Variants in CNTNAP2 observed in about 807,000 individuals in gnomAD.
CNTNAP2 encodes the protein contactin-associated protein-like 2.
Under a neutral mutation model 155.2 loss-of-function variants are expected in CNTNAP2, and 98 were observed. That is an observed-to-expected ratio of 0.63 (90% confidence interval 0.54 to 0.75). The LOEUF is 0.75. CNTNAP2 is among the 30% of genes least tolerant of loss of function. CNTNAP2 has a pLI of 0.00. For missense variants in CNTNAP2, 1,727 were observed against 1,688.1 expected, an observed-to-expected ratio of 1.02 and a Z score of -0.40; for synonymous variants, 651 against 631.2, an observed-to-expected ratio of 1.03 and a Z score of -0.47.
At chr7:148,310,558 G>A (rs970553178) in intron 21 of CNTNAP2, among the ~76,000 whole-genome samples, 2 of 152,128 alleles carry the variant, frequency 1.3e-5, no homozygotes, top group Non-Finnish European at 2.9e-5. Flanking sequence ...GGGAATTAGT[G>A]GAATAACTCT....
chr7:147,801,750 G>C (rs961431204), intron 13 of CNTNAP2, among the ~76,000 whole-genome samples: 2 of 152,164 alleles, frequency 1.3e-5, no homozygotes, highest in South Asian at 4.1e-4. Context: ...GCAACCATCC[G>C]ATTTCTCAAT....
chr7:148,103,340 C>T (rs1207549382), intron 15 of CNTNAP2, among the ~76,000 whole-genome samples: 1 of 152,032 alleles, frequency 6.6e-6, no homozygotes, highest in African/African-American at 2.4e-5. Context: ...ATCATCCACG[C>T]AGCAGCAACT....
intron 15 of CNTNAP2, among the ~76,000 whole-genome samples, chr7:148,069,495 G>A (rs1803337476): frequency 1.3e-5 from 2 of 152,138 alleles, no homozygotes; most frequent in African/African-American, 2.4e-5. Flanking sequence ...GGGCACGGTG[G>A]CTCACACCTG....
chr7:148,046,604 A>T (rs1802778661), intron 15 of CNTNAP2, among the ~76,000 whole-genome samples: 1 of 152,072 alleles, frequency 6.6e-6, no homozygotes, highest in South Asian at 2.1e-4. Flanking sequence ...TGGCTATATC[A>T]TTGCCTGGAA....
intron 4 of CNTNAP2, among the ~76,000 whole-genome samples, chr7:147,075,931 T>A (rs1799990086): frequency 6.6e-6 from 1 of 152,210 alleles, no homozygotes; most frequent in African/African-American, 2.4e-5. Context: ...GGTTTCCAGC[T>A]TCATCCATTT....
At chr7:147,786,223 G>A (rs2116564879) in intron 13 of CNTNAP2, among the ~76,000 whole-genome samples, 1 of 152,342 alleles carries the variant, frequency 6.6e-6, no homozygotes, top group Admixed American at 6.5e-5. Flanking sequence ...AGTGAGCCAA[G>A]ATTGCACCAC....
intron 11 of CNTNAP2, among the ~76,000 whole-genome samples, chr7:147,549,347 A>G (rs1799806556): frequency 1.3e-5 from 2 of 151,868 alleles, no homozygotes; most frequent in African/African-American, 4.8e-5. Flanking sequence ...CTAGGTTTTT[A>G]TTCTCTTTGT....
chr7:148,274,259 C>T (rs1212794357), intron 21 of CNTNAP2, among the ~76,000 whole-genome samples: 1 of 150,450 alleles, frequency 6.6e-6, no homozygotes, highest in African/African-American at 2.4e-5. Context: ...AAAAAAACTC[C>T]TTGCTTTGTT....
chr7:148,225,191 C>T (rs990531740), intron 19 of CNTNAP2, among the ~76,000 whole-genome samples: 2 of 152,130 alleles, frequency 1.3e-5, no homozygotes, highest in Admixed American at 6.6e-5. Context: ...AGACAATAAA[C>T]AAATTGGTAC....
At chr7:147,092,305 A>C (rs1800424428) in intron 4 of CNTNAP2, among the ~76,000 whole-genome samples, 1 of 152,210 alleles carries the variant, frequency 6.6e-6, no homozygotes, top group Admixed American at 6.5e-5. Flanking sequence ...CTGAATTCAA[A>C]ATAATTTCCT....
chr7:147,644,121 G>A (rs1028535536), intron 13 of CNTNAP2, among the ~76,000 whole-genome samples: 21 of 152,120 alleles, frequency 1.4e-4, no homozygotes, highest in African/African-American at 5.1e-4. Context: ...ATTTTACGTA[G>A]AAAAGCCTGC....
chr7:146,816,035 G>C (rs1803163636), intron 2 of CNTNAP2, among the ~76,000 whole-genome samples: 2 of 152,118 alleles, frequency 1.3e-5, no homozygotes, highest in Non-Finnish European at 2.9e-5. Context: ...CCTTGTGATA[G>C]TTTGCTCAGA....
chr7:146,800,882 A>G (rs574755061), intron 2 of CNTNAP2, among the ~76,000 whole-genome samples: 1 of 152,148 alleles, frequency 6.6e-6, no homozygotes, highest in East Asian at 1.9e-4. Context: ...AGGAGTAGAG[A>G]ATTTTTTCCC....
At chr7:148,029,682 T>G (rs1429628060) in intron 15 of CNTNAP2, among the ~76,000 whole-genome samples, 2 of 152,196 alleles carry the variant, frequency 1.3e-5, no homozygotes, top group Non-Finnish European at 2.9e-5. Context: ...CCTGCGAATA[T>G]AATACCTTGA....
At chr7:146,917,241 T>C (rs1177005134) in intron 3 of CNTNAP2, among the ~76,000 whole-genome samples, 11 of 152,154 alleles carry the variant, frequency 7.2e-5, no homozygotes, top group Admixed American at 5.2e-4. Flanking sequence ...ATGATCTATC[T>C]TGGAGAATGT....
intron 15 of CNTNAP2, among the ~76,000 whole-genome samples, chr7:148,006,496 T>A (rs1801982329): frequency 1.3e-5 from 2 of 151,988 alleles, no homozygotes; most frequent in Middle Eastern, 6.8e-3. Flanking sequence ...TTTTTGTATT[T>A]TTAGTGGAGA....
intron 1 of CNTNAP2, among the ~76,000 whole-genome samples, chr7:146,432,774 G>T (rs976119008): frequency 1.3e-5 from 2 of 152,120 alleles, no homozygotes; most frequent in African/African-American, 4.8e-5. Flanking sequence ...AAAACTGCAG[G>T]TATTTGAAAT....
intron 2 of CNTNAP2, among the ~76,000 whole-genome samples, chr7:146,779,139 C>T (rs898315777): frequency 6.6e-6 from 1 of 152,178 alleles, no homozygotes; most frequent in African/African-American, 2.4e-5. Flanking sequence ...CTGTTTCCAA[C>T]TTGCTTAACC....
chr7:147,704,888 T>C (rs1187749052), intron 13 of CNTNAP2, among the ~76,000 whole-genome samples: 1 of 152,148 alleles, frequency 6.6e-6, no homozygotes, highest in Non-Finnish European at 1.5e-5. Flanking sequence ...TCTTTAATTA[T>C]GTTTTTATTT....
Sources: gnomAD v4.1 joint callset for allele counts (sites outside exome capture counted in the v4.1 genomes callset) on GRCh38, gnomAD v4.1.1 for gene constraint, MANE v1.5 for transcripts, NCBI Gene and HGNC (gene_info 2026-07-23, HGNC 2026-07-21) for gene names.